DNAH17: variants seen among roughly 807,000 people sequenced by gnomAD.
The protein encoded by DNAH17 is axonemal beta dynein heavy chain 17.
Under a neutral mutation model 485.6 loss-of-function variants are expected in DNAH17, and 376 were observed. The ratio of observed to expected loss-of-function variants is 0.77; its 90% CI spans 0.71 to 0.84. The LOEUF (loss-of-function observed/expected upper bound fraction) is 0.84. Ranked by LOEUF, DNAH17 falls within the 40% of genes least tolerant of loss-of-function variation. The pLI is 0.00. For missense variants in DNAH17, 6,370 were observed against 5,839.3 expected (o/e 1.09, Z -2.96); for synonymous variants, 3,031 against 2,405.9 (o/e 1.26, Z -7.60).
At chr17:78,448,237 C>T (rs1334544990) in intron 69 of DNAH17, among the ~76,000 whole-genome samples, 1 of 151,530 alleles carries the variant, frequency 6.6e-6, no homozygotes, top group Admixed American at 6.6e-5. Context: ...CAGCAGTGTA[C>T]ACTTGTATTC....
intron 48 of DNAH17, 60 bp from the exon 49 acceptor site, chr17:78,480,846 C>T (rs913627366): frequency 2.4e-5 from 29 of 1,194,684 alleles, no homozygotes; most frequent in Non-Finnish European, 3.2e-5. Flanking sequence ...ATCCCCTGCC[C>T]CCACTGTGCT....
At chr17:78,542,464 G>A (rs2091622950) in intron 17 of DNAH17, among the ~76,000 whole-genome samples, 1 of 152,086 alleles carries the variant, frequency 6.6e-6, no homozygotes, top group Admixed American at 6.5e-5. Context: ...TGAGCTCAAG[G>A]GAGAATATTC....
intron 22 of DNAH17, 73 bp from the exon 23 acceptor site, chr17:78,527,069 G>C (rs2091098327): frequency 7.6e-7 from 1 of 1,315,544 alleles, no homozygotes; most frequent in Non-Finnish European, 1.0e-6. Flanking sequence ...GAAATAATTA[G>C]AGACTGGTAA....
intron 13 of DNAH17, among the ~76,000 whole-genome samples, chr17:78,559,366 C>T (rs922414674): frequency 5.3e-5 from 8 of 152,244 alleles, no homozygotes; most frequent in Admixed American, 2.0e-4. Context: ...GCCCCACCTG[C>T]CCTCTTGGCC....
At position 78,514,984 on chromosome 17, in the gene DNAH17, C is replaced by A. The variant is rs557966149; in HGVS notation, c.3903G>T (p.Trp1301Cys). 1.2e-6 allele frequency: 2 copies of A among 1,614,000 alleles called. No individual in the cohort carries two copies. Among genetic ancestry groups the A allele is most frequent in the East Asian group, 2.2e-5 (1 of 44,880 alleles). Residue 1301 changes from tryptophan (W) to cysteine (C), a missense_variant, in exon 26 of 81, where the codon TGG (tryptophan) becomes TGT (cysteine). Physicochemically the swap from Trp to Cys is radical, Grantham distance 215. Transcript: ENST00000389840. ...CCATCTGCTCAACGTTGATATCTTT[C>A]CACTTGGTGGTCTTCCAGTCCTCGA... Reference protein sequence around the residue: ...TSIEDWKTTKWKDINVEQMDI... With the variant: ...TSIEDWKTTKCKDINVEQMDI...
chr17:78,468,826 G>A lies in DNAH17; in HGVS notation c.8569C>T (p.Leu2857=). 6.2e-7 allele frequency: 1 copy of A among 1,614,014 alleles called. No homozygotes were observed. The highest frequency in any genetic ancestry group is 8.5e-7 in the Non-Finnish European group (1 of 1,179,896). ...AAVKNVPSVF[L]MTDSQVAEEQ... ...TCGGCCACCTGGGAGTCTGTCATCA[G>A]GAACACCGAGGGAACGTTCTTCACG... The change falls in exon 55 of 81, where the codon CTG becomes TTG. Residue 2857 remains leucine (L), a synonymous_variant. Coordinates refer to ENST00000389840, the MANE Select transcript of DNAH17 (RefSeq NM_173628.4).
chr17:78,427,160 C>A, intron 77 of DNAH17, 52 bp from the exon 78 acceptor site: 2 of 1,539,666 alleles, frequency 1.3e-6, no homozygotes, highest in Non-Finnish European at 1.8e-6. Context: ...CCCACCCCAC[C>A]CACTGCAGGG....
chr17:78,443,222 C>G (rs1025596603), intron 71 of DNAH17, among the ~76,000 whole-genome samples: 2 of 152,208 alleles, frequency 1.3e-5, no homozygotes, highest in Admixed American at 6.5e-5. Context: ...ATCCTCTAGA[C>G]GAGGAATCGG....
At chr17:78,439,473 C>G (rs2086983913) in intron 72 of DNAH17, among the ~76,000 whole-genome samples, 1 of 152,132 alleles carries the variant, frequency 6.6e-6, no homozygotes, top group African/African-American at 2.4e-5. Flanking sequence ...TCCCCATACC[C>G]ATTAGGCAGT....
At chr17:78,535,920 A>AT (rs949987621) in intron 19 of DNAH17, among the ~76,000 whole-genome samples, 11 of 151,628 alleles carry the variant, frequency 7.3e-5, no homozygotes, top group Admixed American at 2.0e-4. Flanking sequence ...GTCTTTTCAG[A>AT]TTTTTTTTTA....
Position 78,468,752 on chromosome 17 carries a change from G to T in DNAH17, c.8643C>A (p.Ile2881=). ...LINDLLASGE[I]PGLFMEDEVE... ...CCTCGTCCTCCATAAACAGCCCAGG[G>T]ATCTCTCCTGAGGCCAGCAGGTCAT... is the stretch of plus-strand genomic sequence containing the variant. Residue 2881 remains isoleucine, a synonymous_variant, in exon 55 of 81, where the codon ATC becomes ATA. Transcript: ENST00000389840. The T allele has an allele frequency of 1.2e-6, 2 of 1,614,034 alleles. No homozygotes were observed. The highest frequency in any genetic ancestry group is 1.1e-5 in the South Asian group (1 of 91,084).
chr17:78,455,872 A>C (rs775798241), intron 62 of DNAH17, 36 bp from the exon 63 acceptor site: 1 of 1,527,056 alleles, frequency 6.5e-7, no homozygotes, highest in Admixed American at 2.0e-5. Flanking sequence ...ACATATTTGC[A>C]CAAGTGAGGG....
chr17:78,492,139 C>T (rs975602501), intron 42 of DNAH17, among the ~76,000 whole-genome samples: 1 of 152,146 alleles, frequency 6.6e-6, no homozygotes, highest in Non-Finnish European at 1.5e-5. Context: ...TGGTCAGGAC[C>T]ACCCTGCTCC....
chr17:78,568,550 C>T (rs2092304514), intron 9 of DNAH17, among the ~76,000 whole-genome samples: 3 of 152,184 alleles, frequency 2.0e-5, no homozygotes. Context: ...GTCTTGATCC[C>T]TCTCATCTCT....
intron 75 of DNAH17, among the ~76,000 whole-genome samples, chr17:78,433,613 G>A (rs1056689648): frequency 3.3e-5 from 5 of 152,128 alleles, no homozygotes; most frequent in Non-Finnish European, 5.9e-5. Context: ...CAGAGCCGTG[G>A]TGAGGCCTGC....
chr17:78,492,854 G>GT, intron 41 of DNAH17, 89 bp from the exon 42 acceptor site: 9 of 431,122 alleles, frequency 2.1e-5, no homozygotes, highest in Non-Finnish European at 2.4e-5. Flanking sequence ...GGGCCTGGAT[G>GT]GTTTTTTTTT....
intron 33 of DNAH17, 169 bp from the exon 34 acceptor site, chr17:78,502,042 G>A: frequency 1.1e-6 from 1 of 922,548 alleles, no homozygotes; most frequent in Non-Finnish European, 1.6e-6. Context: ...GTTTCACCAG[G>A]GTGCGGCCCT....
At chr17:78,504,230 T>C (rs1359584485) in intron 31 of DNAH17, among the ~76,000 whole-genome samples, 1 of 152,004 alleles carries the variant, frequency 6.6e-6, no homozygotes, top group Non-Finnish European at 1.5e-5. Flanking sequence ...CACACCTGGT[T>C]AATTTTTGTA....
chr17:78,483,709 C>CA (rs1468704230), intron 48 of DNAH17, among the ~76,000 whole-genome samples: 6 of 152,098 alleles, frequency 3.9e-5, no homozygotes, highest in African/African-American at 1.4e-4. Flanking sequence ...ACTACCTAAC[C>CA]CCCCATGCCT....
Sources: allele counts gnomAD v4.1 joint callset (sites outside exome capture counted in the v4.1 genomes callset), GRCh38; gene constraint gnomAD v4.1.1; transcripts MANE v1.5; gene names NCBI Gene and HGNC (gene_info 2026-07-23, HGNC 2026-07-21).